SUSD5: variants seen among roughly 807,000 people sequenced by gnomAD.
SUSD5 encodes the protein sushi domain containing 5, also known as sushi domain-containing protein 5.
A neutral mutation model predicts 29.5 loss-of-function variants in SUSD5; 33 were observed. That is an observed-to-expected ratio of 1.12 (90% CI 0.85 to 1.49). The LOEUF (loss-of-function observed/expected upper bound fraction) is 1.49. Ranked by LOEUF, SUSD5 falls within the 40% of genes most tolerant of loss-of-function variation. The probability of loss-of-function intolerance (pLI) is 0.00; values close to 1 mark genes in which losing one functional copy is unlikely to be tolerated. For missense variants in SUSD5, 776 were observed against 800.6 expected, an observed-to-expected ratio of 0.97 and a Z score of 0.37; for synonymous variants, 308 against 325.3, an observed-to-expected ratio of 0.95 and a Z score of 0.57.
chr3:33,202,066 A>G (rs6783823), intron 3 of SUSD5, among the ~76,000 whole-genome samples: 3,297 of 104,246 alleles, frequency 0.032, 48 homozygotes, highest in Non-Finnish European at 0.052. Flanking sequence ...CTATCTGTCT[A>G]TCTATCTATC....
At chr3:33,188,186 A>G (rs1028862833) in intron 3 of SUSD5, among the ~76,000 whole-genome samples, 5 of 152,246 alleles carry the variant, frequency 3.3e-5, no homozygotes, top group African/African-American at 1.2e-4. Flanking sequence ...TTTAGAACTC[A>G]TATGAAAGTT....
At chr3:33,202,514 A>G (rs1354199527) in intron 3 of SUSD5, among the ~76,000 whole-genome samples, 3 of 152,162 alleles carry the variant, frequency 2.0e-5, no homozygotes, top group Non-Finnish European at 2.9e-5. Flanking sequence ...TAAGAAGGTG[A>G]AGTGGGCTGG....
At chr3:33,179,816 G>C (rs2031632441) in intron 3 of SUSD5, among the ~76,000 whole-genome samples, 1 of 152,096 alleles carries the variant, frequency 6.6e-6, no homozygotes, top group South Asian at 2.1e-4. Context: ...TTACAGTCAT[G>C]TGCCACATAA....
intron 3 of SUSD5, among the ~76,000 whole-genome samples, chr3:33,190,539 T>TG (rs2031870407): frequency 6.6e-6 from 1 of 152,162 alleles, no homozygotes; most frequent in Admixed American, 6.5e-5. Flanking sequence ...TTTACCATAA[T>TG]GGGCCCCCTA....
At chr3:33,161,148 G>A (rs1207455404) in intron 4 of SUSD5, among the ~76,000 whole-genome samples, 1 of 152,172 alleles carries the variant, frequency 6.6e-6, no homozygotes, top group Non-Finnish European at 1.5e-5. Flanking sequence ...TATGGAGGCA[G>A]AGCTAAGTGA....
At chr3:33,177,692 T>TA (rs2031580881) in intron 3 of SUSD5, among the ~76,000 whole-genome samples, 1 of 152,206 alleles carries the variant, frequency 6.6e-6, no homozygotes, top group African/African-American at 2.4e-5. Context: ...GTTTTTAATT[T>TA]AAAATTTCAC....
Position 33,152,714 on chromosome 3 carries a change from G to A in SUSD5, c.*28C>T, listed in dbSNP as rs1358061536. On this transcript the variant is annotated 3_prime_UTR_variant, in exon 5 of 5. Coordinates refer to ENST00000309558, the MANE Select transcript of SUSD5 (RefSeq NM_015551.2). ...GTCACAGTTATTTTCCTCCCAAGTGGCTTTGGGAGAACCCACTCCAAAGGT... is the reference window on the plus strand; with the variant it reads ...GTCACAGTTATTTTCCTCCCAAGTGACTTTGGGAGAACCCACTCCAAAGGT... 1.3e-6 allele frequency: 2 copies of A among 1,565,480 alleles called. No homozygotes were observed. Among genetic ancestry groups the A allele is most frequent in the South Asian group, 2.4e-5 (2 of 83,024 alleles).
At position 33,204,080 on chromosome 3, in the gene SUSD5, ATTTT is replaced by A. The variant is rs1294414518; in HGVS notation, c.409+3724_409+3727del. ...CAGGGTGCGCCACCATGCCTGGCTA[ATTTT>A]TTTTATTTTTTGAAGAGATGGTTTT... On this transcript the variant is annotated intron_variant, in intron 3 of 4. Coordinates refer to ENST00000309558, the MANE Select transcript of SUSD5 (RefSeq NM_015551.2). The surrounding 1 kb of genome is among the most constrained non-coding windows in gnomAD (Gnocchi z 4.5). Among the ~76,000 whole-genome samples, 2 of 151,556 alleles carry A rather than the reference ATTTT, an allele frequency of 1.3e-5. No homozygotes were observed. The highest frequency in any genetic ancestry group is 4.9e-5 in the African/African-American group (2 of 41,204).
intron 3 of SUSD5, among the ~76,000 whole-genome samples, chr3:33,191,215 C>T (rs1169631529): frequency 6.6e-6 from 1 of 151,840 alleles, no homozygotes; most frequent in Non-Finnish European, 1.5e-5. Flanking sequence ...CTACAAGCTC[C>T]ACCTCCTGGG....
chr3:33,175,146 TAA>T, intron 3 of SUSD5, 72 bp from the exon 4 acceptor site: 1 of 1,521,162 alleles, frequency 6.6e-7, no homozygotes, highest in Non-Finnish European at 9.0e-7. Flanking sequence ...AAAACAGACT[TAA>T]AACACAACTC....
rs1298405145 is a variant in SUSD5 at position 33,153,658 on chromosome 3, C to T, written c.974G>A (p.Ser325Asn). 6.2e-7 allele frequency: 1 copy of T among 1,614,056 alleles called. No individual in the cohort carries two copies. Among genetic ancestry groups the T allele is most frequent in the Non-Finnish European group, 8.5e-7 (1 of 1,179,900 alleles). Residue 325 changes from serine (S) to asparagine (N), a missense_variant, in exon 5 of 5, where the codon AGT (serine) becomes AAT (asparagine). By Grantham distance (46) the Ser-to-Asn change is conservative. Transcript: ENST00000309558. ...TTCACCTGGGACCAATTTTACACCACTGTGGTTGTCTCCAGCAGAAAACTG... is the reference window on the plus strand; with the variant it reads ...TTCACCTGGGACCAATTTTACACCATTGTGGTTGTCTCCAGCAGAAAACTG... ...KKQFSAGDNH[S>N]GVKLVPGEPE...
chr3:33,162,274 A>G (rs1341330526), intron 4 of SUSD5, among the ~76,000 whole-genome samples: 1 of 152,246 alleles, frequency 6.6e-6, no homozygotes, highest in East Asian at 1.9e-4. Context: ...AATATGACAT[A>G]TCAAAACTTG....
chr3:33,202,815 G>C (rs866598425), intron 3 of SUSD5, among the ~76,000 whole-genome samples: 2 of 152,196 alleles, frequency 1.3e-5, no homozygotes, highest in Non-Finnish European at 1.5e-5. Flanking sequence ...AAAGGAAAAT[G>C]AGAAAAGTCT....
chr3:33,197,315 G>A (rs62252060), intron 3 of SUSD5, among the ~76,000 whole-genome samples: 38,210 of 151,998 alleles, frequency 0.25, 6,223 homozygotes, highest in Non-Finnish European at 0.36. Flanking sequence ...TCTGAATAGA[G>A]AGAATGATAA....
intron 4 of SUSD5, among the ~76,000 whole-genome samples, chr3:33,171,195 A>C (rs2031418734): frequency 6.6e-6 from 1 of 152,154 alleles, no homozygotes; most frequent in Non-Finnish European, 1.5e-5. Flanking sequence ...TAAAAATACA[A>C]AATTAGCCAG....
Position 33,150,956 on chromosome 3 carries a change from A to C in SUSD5, c.*1786T>G, listed in dbSNP as rs935954567. On this transcript the variant is annotated 3_prime_UTR_variant, in exon 5 of 5. Coordinates refer to ENST00000309558, the MANE Select transcript of SUSD5 (RefSeq NM_015551.2). Reference sequence around the variant, plus strand: ...CTAAGAAGGTGATTCATATTAGAAAAATATAACATGTTTCATTTCTGTGCC... The same window carrying C: ...CTAAGAAGGTGATTCATATTAGAAACATATAACATGTTTCATTTCTGTGCC... 7.2e-5 allele frequency: 11 copies of C among 152,184 alleles called. No individual in the cohort carries two copies. Among genetic ancestry groups the C allele is most frequent in the African/African-American group, 2.4e-4 (10 of 41,436 alleles). The allele number at this position is 152,184 out of a possible 1,614,324, so 9.4% of individuals were successfully genotyped here. A position where few individuals can be genotyped will look rare whatever the true frequency, so the allele number is the denominator to read the frequency against.
At chr3:33,176,808 C>T (rs1168682930) in intron 3 of SUSD5, among the ~76,000 whole-genome samples, 1 of 152,144 alleles carries the variant, frequency 6.6e-6, no homozygotes, top group Non-Finnish European at 1.5e-5. Context: ...ATCGTTTTTG[C>T]ATGTGGATGT....
intron 4 of SUSD5, among the ~76,000 whole-genome samples, chr3:33,157,293 T>C (rs555870576): frequency 6.6e-6 from 1 of 152,340 alleles, no homozygotes; most frequent in South Asian, 2.1e-4. Flanking sequence ...TTCAAAGATT[T>C]TGTGTGCATA....
intron 1 of SUSD5, among the ~76,000 whole-genome samples, chr3:33,218,275 G>A (rs1325067102): frequency 3.9e-5 from 6 of 152,196 alleles, no homozygotes; most frequent in Non-Finnish European, 8.8e-5. Flanking sequence ...ATATCCGAGG[G>A]AGTTTTCTAA....
Sources: allele counts gnomAD v4.1 joint callset (sites outside exome capture counted in the v4.1 genomes callset), GRCh38; gene constraint gnomAD v4.1.1; non-coding constraint Gnocchi (gnomAD v3.1); transcripts MANE v1.5; gene names NCBI Gene and HGNC (gene_info 2026-07-23, HGNC 2026-07-21).